ANO10: variants seen among roughly 807,000 people sequenced by gnomAD.
ANO10 encodes the protein anoctamin 10, also known as anoctamin-10.
In ANO10, 77 loss-of-function variants were observed where a neutral mutation model predicts 74.7. The ratio of observed to expected loss-of-function variants is 1.03; its 90% CI spans 0.86 to 1.25. The LOEUF is 1.25. Among genes scored for constraint, ANO10 ranks in the 50% most tolerant of loss-of-function variants. The pLI, the probability that ANO10 is intolerant of heterozygous loss-of-function variation, is 0.00. For missense variants in ANO10, 721 were observed against 778.1 expected (o/e 0.93, Z 0.87); for synonymous variants, 279 against 284.9 (o/e 0.98, Z 0.21).
intron 11 of ANO10, among the ~76,000 whole-genome samples, chr3:43,548,775 A>C (rs1480565176): frequency 6.6e-6 from 1 of 152,134 alleles, no homozygotes; most frequent in Non-Finnish European, 1.5e-5. Flanking sequence ...TACAAGCAAC[A>C]AAAAAAATTC....
At chr3:43,623,910 C>A (rs1285987800), upstream of ANO10, among the ~76,000 whole-genome samples, 4 of 152,134 alleles carry the variant, frequency 2.6e-5, no homozygotes, top group Non-Finnish European at 5.9e-5. Flanking sequence ...ACATGAATTA[C>A]TCCTTAGACT....
At chr3:43,597,506 G>A (rs374296350) in intron 4 of ANO10, among the ~76,000 whole-genome samples, 40 of 152,056 alleles carry the variant, frequency 2.6e-4, no homozygotes, top group South Asian at 1.5e-3. Context: ...GCAAACTATC[G>A]CAAGGACAGA....
intron 11 of ANO10, among the ~76,000 whole-genome samples, chr3:43,442,510 C>T (rs1250493877): frequency 6.6e-6 from 1 of 152,082 alleles, no homozygotes; most frequent in Non-Finnish European, 1.5e-5. Context: ...TACACTGAGA[C>T]CACAAAACAT....
chr3:43,623,846 C>T (rs572801828), upstream of ANO10, among the ~76,000 whole-genome samples: 24 of 152,286 alleles, frequency 1.6e-4, no homozygotes, highest in Admixed American at 3.3e-4. Context: ...TTCAGAAGTT[C>T]TCTCTTTCTT....
At chr3:43,445,405 CTATCAG>C (rs1445301768) in intron 11 of ANO10, among the ~76,000 whole-genome samples, 1 of 117,622 alleles carries the variant, frequency 8.5e-6, no homozygotes, top group Non-Finnish European at 2.1e-5. Context: ...TATATGGGAA[CTATCAG>C]TTCTAGCTTG....
chr3:43,412,090 G>A (rs2148894126), intron 12 of ANO10, among the ~76,000 whole-genome samples: 1 of 148,738 alleles, frequency 6.7e-6, no homozygotes, highest in African/African-American at 2.5e-5. Flanking sequence ...AAACTGACAA[G>A]TCCAAATAAT....
intron 12 of ANO10, among the ~76,000 whole-genome samples, chr3:43,411,539 G>C (rs1339442357): frequency 6.6e-6 from 1 of 152,100 alleles, no homozygotes; most frequent in Admixed American, 6.6e-5. Flanking sequence ...ATTTTTCTTT[G>C]GTTCTTTGTC....
intron 11 of ANO10, among the ~76,000 whole-genome samples, chr3:43,539,270 T>C (rs1487954114): frequency 6.6e-6 from 1 of 152,144 alleles, no homozygotes; most frequent in East Asian, 1.9e-4. Context: ...CAACTCAATA[T>C]TGCAAAGAAC....
intron 11 of ANO10, among the ~76,000 whole-genome samples, chr3:43,462,508 G>C (rs562477961): frequency 6.6e-6 from 1 of 152,296 alleles, no homozygotes; most frequent in East Asian, 1.9e-4. Context: ...TGGGATTACA[G>C]GTGTTAAACC....
At chr3:43,664,597 C>T (rs183788245) in intron 1 of ANO10, among the ~76,000 whole-genome samples, 15 of 152,220 alleles carry the variant, frequency 9.9e-5, no homozygotes, top group African/African-American at 3.6e-4. Context: ...AACAGGCAAC[C>T]TACAGAATGG....
chr3:43,479,770 C>A (rs1339532059), intron 11 of ANO10, among the ~76,000 whole-genome samples: 1 of 152,158 alleles, frequency 6.6e-6, no homozygotes, highest in Non-Finnish European at 1.5e-5. Context: ...CCTTGGAGAA[C>A]CCCAGGAGAT....
In ANO10 at chr3:43,600,444, T is replaced by G; in HGVS notation, c.277A>C (p.Asn93His). Reference protein sequence around the residue: ...AEAVGLVKECNDNTMRAFTYR... With the variant: ...AEAVGLVKECHDNTMRAFTYR... The stretch of plus-strand genomic sequence containing the variant: ...GTGAAGGCTCTCATGGTGTTATCAT[T>G]GCACTCTTTTACCAATCCCACTGCT... Residue 93 changes from asparagine (N) to histidine (H), a missense_variant, in exon 3 of 13, where the codon AAT becomes CAT. Coordinates refer to ENST00000292246, the MANE Select transcript of ANO10 (RefSeq NM_018075.5). The G allele has an allele frequency of 6.2e-7, 1 of 1,614,140 alleles. No homozygotes were observed. The highest frequency in any genetic ancestry group is 8.5e-7 in the Non-Finnish European group (1 of 1,180,012).
chr3:43,595,768 C>T lies in ANO10; in HGVS notation c.472+2764G>A, dbSNP rs1487784252. On this transcript the variant is annotated intron_variant, in intron 4 of 12. Transcript: ENST00000292246. ...TGTTGGAAGTTCTGGCCAGGGCAATCAGGCAGGAGAAAGAAATAAAGGGTA... is the reference window on the plus strand; with the variant it reads ...TGTTGGAAGTTCTGGCCAGGGCAATTAGGCAGGAGAAAGAAATAAAGGGTA... Among the ~76,000 whole-genome samples, 4 of 152,114 alleles carry T rather than the reference C, an allele frequency of 2.6e-5. 1 individual carries two copies. The South Asian group carries it at 6.2e-4, about 24-fold the overall frequency.
chr3:43,529,741 C>T (rs1050154779), intron 11 of ANO10, among the ~76,000 whole-genome samples: 1 of 151,960 alleles, frequency 6.6e-6, no homozygotes. Context: ...TTTAAACTGA[C>T]AAACCAAACA....
chr3:43,556,224 C>T (rs552573830), intron 9 of ANO10, among the ~76,000 whole-genome samples: 5 of 152,120 alleles, frequency 3.3e-5, no homozygotes, highest in Non-Finnish European at 5.9e-5. Context: ...GCAATCAAGC[C>T]ATTTTTACCA....
chr3:43,470,720 G>A (rs561605801), intron 11 of ANO10, among the ~76,000 whole-genome samples: 20 of 151,788 alleles, frequency 1.3e-4, no homozygotes, highest in African/African-American at 2.2e-4. Flanking sequence ...TCAACCTCCC[G>A]GGCTCAAGCA....
chr3:43,552,722 A>G (rs868516647), intron 10 of ANO10, among the ~76,000 whole-genome samples: 4,536 of 100,212 alleles, frequency 0.045, 113 homozygotes, highest in Non-Finnish European at 0.052. Context: ...ATATATATAT[A>G]TATATATGTA....
chr3:43,401,030 T>C (rs1165850221), intron 12 of ANO10, among the ~76,000 whole-genome samples: 1 of 152,254 alleles, frequency 6.6e-6, no homozygotes, highest in African/African-American at 2.4e-5. Flanking sequence ...GAGAAAAGTA[T>C]ACATGTGTAT....
chr3:43,500,576 T>A (rs990508885), intron 11 of ANO10, among the ~76,000 whole-genome samples: 2 of 152,186 alleles, frequency 1.3e-5, no homozygotes, highest in Non-Finnish European at 2.9e-5. Context: ...TACTAAAATG[T>A]GGGAGAAGTT....
Sources: gnomAD v4.1 joint callset for allele counts (sites outside exome capture counted in the v4.1 genomes callset) on GRCh38, gnomAD v4.1.1 for gene constraint, MANE v1.5 for transcripts, NCBI Gene and HGNC (gene_info 2026-07-23, HGNC 2026-07-21) for gene names.